C17orf107: variants seen among roughly 807,000 people sequenced by gnomAD.
C17orf107 encodes uncharacterized protein C17orf107.
Under a neutral mutation model 8.9 loss-of-function variants are expected in C17orf107, and 9 were observed. The observed-to-expected ratio is 1.02, with a 90% CI of 0.61 to 1.77. C17orf107 has a LOEUF of 1.77. C17orf107 is among the 40% of genes most tolerant of loss of function. C17orf107 has a pLI of 0.00. For missense variants in C17orf107, 281 were observed against 249.0 expected, an observed-to-expected ratio of 1.13 and a Z score of -0.86; for synonymous variants, 139 against 120.3, an observed-to-expected ratio of 1.16 and a Z score of -1.02.
chr17:4,899,779 G>C lies in C17orf107; in HGVS notation c.17G>C (p.Ser6Thr). Residue 6 changes from serine (S) to threonine (T), a missense_variant, in exon 1 of 3, where the codon AGC (serine) becomes ACC (threonine). Transcript: ENST00000381365. ...GTGGCGGCCATGAAGGGGACCCCCA[G>C]CTCCCTGGACACCCTGATGTGGATC... MKGTP[S>T]SLDTLMWIYH... 1 of 1,551,230 alleles carries C rather than the reference G, an allele frequency of 6.4e-7. No homozygotes were observed.
At chr17:4,903,901 AGACTG>A (rs1203384171), downstream of C17orf107, among the ~76,000 whole-genome samples, 2 of 152,326 alleles carry the variant, frequency 1.3e-5, no homozygotes, top group African/African-American at 4.8e-5. Context: ...TCTGGCGCCC[AGACTG>A]GAGTGCAGTG....
chr17:4,902,236 C>T lies in C17orf107; in HGVS notation c.*1703C>T, dbSNP rs779426416. 7 of 1,614,114 alleles carry T rather than the reference C, an allele frequency of 4.3e-6. No individual in the cohort carries two copies. Among genetic ancestry groups the T allele is most frequent in the Non-Finnish European group, 5.9e-6 (7 of 1,180,020 alleles). ...TCTCACTTGTTTTCCAGCACAATCT[C>T]TGGCAGCCACACGAGTTCTGAAGGG... On this transcript the variant is annotated 3_prime_UTR_variant, in exon 3 of 3. Coordinates refer to ENST00000381365, the MANE Select transcript of C17orf107 (RefSeq NM_001145536.2). The surrounding 1 kb of genome is among the most constrained non-coding windows in gnomAD (Gnocchi z 4.0).
chr17:4,902,070 C>A lies in C17orf107; in HGVS notation c.*1537C>A, dbSNP rs746582621. 3.7e-6 allele frequency: 6 copies of A among 1,614,048 alleles called. No homozygotes were observed. Among genetic ancestry groups the A allele is most frequent in the Non-Finnish European group, 5.1e-6 (6 of 1,180,032 alleles). On this transcript the variant is annotated 3_prime_UTR_variant, in exon 3 of 3. Transcript: ENST00000381365. The surrounding 1 kb of genome is among the most constrained non-coding windows in gnomAD (Gnocchi z 4.0). The stretch of plus-strand genomic sequence containing the variant: ...GAGCACGTTGGCGTCGTAGGCCACT[C>A]CGAACTGGCCATCAATACTGTGGGC...
At position 4,901,946 on chromosome 17, in the gene C17orf107, A is replaced by G. The variant is rs2151098251; in HGVS notation, c.*1413A>G. 1.3e-6 allele frequency: 2 copies of G among 1,593,442 alleles called. No homozygotes were observed. The highest frequency in any genetic ancestry group is 1.7e-6 in the Non-Finnish European group (2 of 1,167,514). ...GCTCTTCCCACCGGAAAATAAGCGA[A>G]CAGTTCTGCCAATCGAAGGGGAAGT... On this transcript the variant is annotated 3_prime_UTR_variant, in exon 3 of 3. Coordinates refer to ENST00000381365, the MANE Select transcript of C17orf107 (RefSeq NM_001145536.2).
rs1324425062 is a variant in C17orf107 at position 4,899,563 on chromosome 17, C to A, written c.-200C>A. On this transcript the variant is annotated 5_prime_UTR_variant, in exon 1 of 3. Transcript: ENST00000381365. The stretch of plus-strand genomic sequence containing the variant: ...TTCATGACAATGAGCGTGGCGACCA[C>A]CATGACGAAAATAAGGAACCTGAGG... The A allele has an allele frequency of 6.3e-7, 1 of 1,592,834 alleles. No homozygotes were observed. The highest frequency in any genetic ancestry group is 8.5e-7 in the Non-Finnish European group (1 of 1,170,658).
rs769079236 is a variant in C17orf107 at position 4,901,223 on chromosome 17, A to C, written c.*690A>C. 1 of 1,590,334 alleles carries C rather than the reference A, an allele frequency of 6.3e-7. No individual in the cohort carries two copies. The highest frequency in any genetic ancestry group is 8.5e-7 in the Non-Finnish European group (1 of 1,173,106). ...ACGGGGGCACGGTCAGCTGGCTGTCAGAGCGGGGCGCCCGCCGAGCTGACA... is the reference window on the plus strand; with the variant it reads ...ACGGGGGCACGGTCAGCTGGCTGTCCGAGCGGGGCGCCCGCCGAGCTGACA... On this transcript the variant is annotated 3_prime_UTR_variant, in exon 3 of 3. Coordinates refer to ENST00000381365, the MANE Select transcript of C17orf107 (RefSeq NM_001145536.2).
chr17:4,905,982 C>T (rs1040388850), downstream of C17orf107, among the ~76,000 whole-genome samples: 22 of 152,306 alleles, frequency 1.4e-4, no homozygotes, highest in African/African-American at 5.1e-4. Flanking sequence ...CTGTCTCTGC[C>T]GCTCTGTCCG....
chr17:4,901,544 G>A lies in C17orf107; in HGVS notation c.*1011G>A. Reference sequence around the variant, plus strand: ...CTTCACCAGTATAGGCCTCTGTGTCGATGTCGATCTTGTTGATGGTCTTGC... The same window carrying A: ...CTTCACCAGTATAGGCCTCTGTGTCAATGTCGATCTTGTTGATGGTCTTGC... On this transcript the variant is annotated 3_prime_UTR_variant, in exon 3 of 3. Transcript: ENST00000381365. 6.2e-7 allele frequency: 1 copy of A among 1,614,110 alleles called. No individual in the cohort carries two copies. The highest frequency in any genetic ancestry group is 8.5e-7 in the Non-Finnish European group (1 of 1,179,978).
chr17:4,899,601 A>C lies in C17orf107; in HGVS notation c.-162A>C, dbSNP rs775834271. Reference sequence around the variant, plus strand: ...AAGGAACCTGAGGAGCCCGGAAGGCATGACATCACCGTTCCTCCTCCCAGC... The same window carrying C: ...AAGGAACCTGAGGAGCCCGGAAGGCCTGACATCACCGTTCCTCCTCCCAGC... On this transcript the variant is annotated 5_prime_UTR_variant, in exon 1 of 3. The change abolishes an upstream ATG in the 5' untranslated region. Transcript: ENST00000381365. 1.3e-6 allele frequency: 2 copies of C among 1,537,698 alleles called. No homozygotes were observed. Among genetic ancestry groups the C allele is most frequent in the Non-Finnish European group, 8.8e-7 (1 of 1,130,720 alleles).
rs1007252582 is a variant in C17orf107 at position 4,900,356 on chromosome 17, G to T, written c.396G>T (p.Gly132=). The T allele has an allele frequency of 1.2e-5, 19 of 1,548,270 alleles. No individual in the cohort carries two copies. In the African/African-American group the frequency reaches 1.2e-4, roughly 10 times the overall value. ...GGGTAGCCCAAGCCGCAGGGCAGGG[G>T]GTTCGGCAAGCTGGGGCTGCGGTGG... ...LSRVAQAAGQ[G]VRQAGAAVGA... is the part of the protein sequence containing the mutation. Residue 132 remains glycine, a synonymous_variant, in exon 3 of 3, where the codon GGG becomes GGT. Coordinates refer to ENST00000381365, the MANE Select transcript of C17orf107 (RefSeq NM_001145536.2).
chr17:4,903,139 G>C, downstream of C17orf107: 1 of 1,467,906 alleles, frequency 6.8e-7, no homozygotes, highest in East Asian at 2.3e-5. Context: ...CTGTGTGAGG[G>C]GGAGGAGGGT....
chr17:4,905,769 G>A (rs1027873773), downstream of C17orf107, among the ~76,000 whole-genome samples: 9 of 151,952 alleles, frequency 5.9e-5, no homozygotes, highest in East Asian at 3.9e-4. Context: ...GCTGAGGCAG[G>A]AGAATCACTT....
Position 4,901,603 on chromosome 17 carries a change from C to T in C17orf107, c.*1070C>T. 1.2e-6 allele frequency: 2 copies of T among 1,614,172 alleles called. No homozygotes were observed. Among genetic ancestry groups the T allele is most frequent in the South Asian group, 1.1e-5 (1 of 91,082 alleles). On this transcript the variant is annotated 3_prime_UTR_variant, in exon 3 of 3. Transcript: ENST00000381365. The stretch of plus-strand genomic sequence containing the variant: ...TCTACGGCAAAAGTGAACTCCACCT[C>T]TTCGGCATTGTACGTCTGAGAGCTG...
rs1969967603 is a variant in C17orf107 at position 4,901,051 on chromosome 17, G to T, written c.*518G>T. ...CCGAGATGAGCACACAGGGCACGATGATGTTAATGACGTAGAAGAGCGGCT... is the reference window on the plus strand; with the variant it reads ...CCGAGATGAGCACACAGGGCACGATTATGTTAATGACGTAGAAGAGCGGCT... On this transcript the variant is annotated 3_prime_UTR_variant, in exon 3 of 3. Coordinates refer to ENST00000381365, the MANE Select transcript of C17orf107 (RefSeq NM_001145536.2). 4 of 1,614,070 alleles carry T rather than the reference G, an allele frequency of 2.5e-6. No individual in the cohort carries two copies. The highest frequency in any genetic ancestry group is 4.5e-5 in the East Asian group (2 of 44,866).
chr17:4,903,131 G>C (rs982261054), downstream of C17orf107: 3 of 1,518,896 alleles, frequency 2.0e-6, no homozygotes, highest in Admixed American at 5.1e-5. Flanking sequence ...CAGGGTGCCT[G>C]TGTGAGGGGG....
Position 4,900,065 on chromosome 17 carries a change from C to A in C17orf107, c.196C>A (p.Pro66Thr). The A allele has an allele frequency of 6.4e-7, 1 of 1,551,160 alleles. No individual in the cohort carries two copies. Among genetic ancestry groups the A allele is most frequent in the Non-Finnish European group, 8.7e-7 (1 of 1,146,998 alleles). ...PPEPKMQGML[P>T]APKPTLGLVL... The stretch of plus-strand genomic sequence containing the variant: ...CGAACCGAAGATGCAGGGGATGCTG[C>A]CTGCCCCGAAGCCCACCCTGGGGCT... Residue 66 changes from proline to threonine, a missense_variant, in exon 2 of 3, where the codon CCT (proline) becomes ACT (threonine). By Grantham distance (38) the Pro-to-Thr change is conservative. Coordinates refer to ENST00000381365, the MANE Select transcript of C17orf107 (RefSeq NM_001145536.2).
chr17:4,902,349 C>T lies in C17orf107; in HGVS notation c.*1816C>T. 2 of 1,613,804 alleles carry T rather than the reference C, an allele frequency of 1.2e-6. No homozygotes were observed. Among genetic ancestry groups the T allele is most frequent in the African/African-American group, 1.3e-5 (1 of 75,022 alleles). ...ATCCTAAGGGGTGGGGGATGGAAGG[C>T]CGCGTGCCCTGCATCTCCCACCTGG... On this transcript the variant is annotated 3_prime_UTR_variant, in exon 3 of 3. Transcript: ENST00000381365. The surrounding 1 kb of genome is among the most constrained non-coding windows in gnomAD (Gnocchi z 4.0).
In C17orf107 at chr17:4,901,695, G is replaced by C. The variant is rs1597620567; in HGVS notation, c.*1162G>C. ...GGCCCCGGCCTCAGGCCCAGCCCTG[G>C]AAGCTGGGATCTAGCGGGGCCGCGA... On this transcript the variant is annotated 3_prime_UTR_variant, in exon 3 of 3. Coordinates refer to ENST00000381365, the MANE Select transcript of C17orf107 (RefSeq NM_001145536.2). 1 of 1,480,954 alleles carries C rather than the reference G, an allele frequency of 6.8e-7. No homozygotes were observed. Among genetic ancestry groups the C allele is most frequent in the East Asian group, 2.3e-5 (1 of 44,074 alleles). 91.7% of individuals were successfully genotyped at this position (1,480,954 alleles called of 1,614,324 possible).
Position 4,902,224 on chromosome 17 carries a change from C to G in C17orf107, c.*1691C>G. On this transcript the variant is annotated 3_prime_UTR_variant, in exon 3 of 3. Coordinates refer to ENST00000381365, the MANE Select transcript of C17orf107 (RefSeq NM_001145536.2). The surrounding 1 kb of genome is among the most constrained non-coding windows in gnomAD (Gnocchi z 4.0). ...GTCTGGCCCGGTTCTCACTTGTTTTCCAGCACAATCTCTGGCAGCCACACG... is the reference window on the plus strand; with the variant it reads ...GTCTGGCCCGGTTCTCACTTGTTTTGCAGCACAATCTCTGGCAGCCACACG... 2.5e-6 allele frequency: 4 copies of G among 1,614,076 alleles called. No homozygotes were observed. The highest frequency in any genetic ancestry group is 3.4e-6 in the Non-Finnish European group (4 of 1,180,008).
Sources: allele counts gnomAD v4.1 joint callset (sites outside exome capture counted in the v4.1 genomes callset), GRCh38; gene constraint gnomAD v4.1.1; non-coding constraint Gnocchi (gnomAD v3.1); transcripts MANE v1.5; gene names NCBI Gene and HGNC (gene_info 2026-07-23, HGNC 2026-07-21).